The following RNF17 variants were observed in gnomAD, a reference collection of about 807,000 sequenced individuals.
RNF17 encodes the protein spermatogenesis associated 23.
In RNF17, 31 loss-of-function variants were observed where a neutral mutation model predicts 200.5. That is an observed-to-expected ratio of 0.15 (90% CI 0.12 to 0.21). The LOEUF is 0.21. Among genes scored for constraint, RNF17 ranks in the 10% least tolerant of loss-of-function variants. The pLI is 1.00. For synonymous variants in RNF17, 606 were observed against 637.8 expected (o/e 0.95, Z 0.75); for missense variants, 1,628 against 1,905.1 (o/e 0.85, Z 2.71).
At chr13:24,860,774 A>T (rs1179602345) in intron 26 of RNF17, among the ~76,000 whole-genome samples, 1 of 152,198 alleles carries the variant, frequency 6.6e-6, no homozygotes, top group Non-Finnish European at 1.5e-5. Flanking sequence ...AGTGTAAGAA[A>T]ACCTTTTTAC....
chr13:24,783,468 CTT>C (rs1486120200), intron 6 of RNF17, among the ~76,000 whole-genome samples: 1 of 152,140 alleles, frequency 6.6e-6, no homozygotes, highest in Non-Finnish European at 1.5e-5. Flanking sequence ...TTGTAGATCA[CTT>C]TGTGCAGTAT....
At chr13:24,760,011 C>T (rs146773129), upstream of RNF17, among the ~76,000 whole-genome samples, 537 of 152,090 alleles carry the variant, frequency 3.5e-3, 11 homozygotes, top group East Asian at 0.04. Flanking sequence ...GCGTGGGGAG[C>T]GCGCCTGTAA....
chr13:24,863,466 G>C (rs991112402), intron 28 of RNF17, among the ~76,000 whole-genome samples: 3 of 152,150 alleles, frequency 2.0e-5, no homozygotes, highest in Admixed American at 2.0e-4. Flanking sequence ...CGGTTGGTGG[G>C]GTTGGTAGGG....
At chr13:24,809,008 G>A (rs1886247529) in intron 15 of RNF17, among the ~76,000 whole-genome samples, 1 of 152,072 alleles carries the variant, frequency 6.6e-6, no homozygotes, top group South Asian at 2.1e-4. Flanking sequence ...CTTAATCATG[G>A]TGGGTAAGCT....
chr13:24,794,251 TAAC>T (rs1243488949), intron 10 of RNF17: 1 of 456,334 alleles, frequency 2.2e-6, no homozygotes, highest in Non-Finnish European at 4.4e-6. Flanking sequence ...GCAGATACTG[TAAC>T]AACTGTCTGA....
chr13:24,748,521 T>C, the RNF17 span, among the ~76,000 whole-genome samples: 2 of 152,230 alleles, frequency 1.3e-5, no homozygotes, highest in African/African-American at 2.4e-5. Context: ...ATTTTGGTAA[T>C]CTCTTATTTT....
intron 10 of RNF17, 151 bp downstream of exon 10, chr13:24,793,497 C>G (rs532051629): frequency 7.2e-6 from 5 of 695,766 alleles, no homozygotes; most frequent in Non-Finnish European, 1.1e-5. Flanking sequence ...TTCCATGCCC[C>G]TACTCTCACA....
intron 6 of RNF17, among the ~76,000 whole-genome samples, chr13:24,783,826 T>A (rs189151121): frequency 2.9e-4 from 44 of 152,330 alleles, no homozygotes; most frequent in African/African-American, 1.1e-3. Flanking sequence ...TTTTACTTCC[T>A]ACAAAAAGAT....
At chr13:24,756,701 T>C in the RNF17 span, among the ~76,000 whole-genome samples, 28 of 152,308 alleles carry the variant, frequency 1.8e-4, no homozygotes, top group African/African-American at 6.7e-4. Context: ...GAGCTTACCT[T>C]TTATCAACCA....
At chr13:24,797,227 A>G (rs7320439) in intron 11 of RNF17, among the ~76,000 whole-genome samples, 65,581 of 152,034 alleles carry the variant, frequency 0.43, 14,228 homozygotes, top group East Asian at 0.47. Context: ...ATGTTCTAAG[A>G]CAGCCAGAAA....
At chr13:24,778,675 A>T (rs747012734) in intron 4 of RNF17, among the ~76,000 whole-genome samples, 2 of 152,164 alleles carry the variant, frequency 1.3e-5, no homozygotes, top group African/African-American at 4.8e-5. Context: ...TAGTTATTGA[A>T]TCCAGGTTCT....
At chr13:24,865,786 GGT>G (rs370138807) in intron 29 of RNF17, among the ~76,000 whole-genome samples, 2 of 151,542 alleles carry the variant, frequency 1.3e-5, no homozygotes, top group Non-Finnish European at 2.9e-5. Flanking sequence ...GGTGAGTGGG[GGT>G]GTGTGTGTGT....
downstream of RNF17, among the ~76,000 whole-genome samples, chr13:24,881,825 TACATCTATATA>T (rs1953832620): frequency 7.4e-6 from 1 of 135,650 alleles, no homozygotes; most frequent in African/African-American, 2.7e-5. Context: ...TCTATATAGA[TACATCTATATA>T]GATATATAGA....
intron 24 of RNF17, among the ~76,000 whole-genome samples, chr13:24,852,356 C>T (rs375931825): frequency 0.014 from 2,119 of 151,984 alleles, 85 homozygotes; most frequent in Admixed American, 0.083. Flanking sequence ...GCCAGGATGG[C>T]CTCGATCTCC....
chr13:24,844,460 G>T (rs1253662104), intron 20 of RNF17, among the ~76,000 whole-genome samples, 192 bp from the exon 21 acceptor site: 1 of 152,116 alleles, frequency 6.6e-6, no homozygotes, highest in African/African-American at 2.4e-5. Flanking sequence ...AAGTGTCTGA[G>T]GGAAGTTTAT....
intron 23 of RNF17, 99 bp downstream of exon 23, chr13:24,850,542 G>T: frequency 1.3e-6 from 1 of 772,724 alleles, no homozygotes; most frequent in Non-Finnish European, 2.1e-6. Context: ...CCAACTATTT[G>T]GATTTTGTTA....
At chr13:24,757,781 C>G in the RNF17 span, among the ~76,000 whole-genome samples, 1 of 152,190 alleles carries the variant, frequency 6.6e-6, no homozygotes, top group African/African-American at 2.4e-5. Flanking sequence ...TTCCTCTTCT[C>G]CACTTGGGCA....
At chr13:24,772,479 A>AT (rs1297306037) in intron 2 of RNF17, among the ~76,000 whole-genome samples, 8 of 116,368 alleles carry the variant, frequency 6.9e-5, no homozygotes, top group Admixed American at 9.9e-5. Context: ...GCCAGGTGCG[A>AT]TTTTTTAAAA....
chr13:24,879,768 A>G lies in RNF17; in HGVS notation c.*42A>G, dbSNP rs1300077093. On this transcript the variant is annotated 3_prime_UTR_variant, in exon 36 of 36. Transcript: ENST00000255324. ...AGTGAGAGCATCTATAGAAGCCTAG[A>G]AGAATTCTGTTATGTTTAGACTATG... is the stretch of plus-strand genomic sequence containing the variant. 1 of 153,006 alleles carries G rather than the reference A, an allele frequency of 6.5e-6. No homozygotes were observed. Among genetic ancestry groups the G allele is most frequent in the African/African-American group, 2.4e-5 (1 of 41,464 alleles). 9.5% of individuals were successfully genotyped at this position (153,006 alleles called of 1,614,324 possible). A position where few individuals can be genotyped will look rare whatever the true frequency, so the allele number is the denominator to read the frequency against.
Sources: gnomAD v4.1 joint callset for allele counts (sites outside exome capture counted in the v4.1 genomes callset) on GRCh38, gnomAD v4.1.1 for gene constraint, MANE v1.5 for transcripts, NCBI Gene and HGNC (gene_info 2026-07-23, HGNC 2026-07-21) for gene names.